The following DNAJB6 variants were observed in gnomAD, a reference collection of about 807,000 sequenced individuals.
DNAJB6 encodes dnaJ homolog subfamily B member 6.
DNAJB6 carries 16 observed loss-of-function variants against 42.7 expected under a neutral mutation model. That is an observed-to-expected ratio of 0.37 (90% CI 0.25 to 0.57). The LOEUF is 0.57. Among genes scored for constraint, DNAJB6 ranks in the 20% least tolerant of loss-of-function variants. The pLI, the probability that DNAJB6 is intolerant of heterozygous loss-of-function variation, is 0.74. For synonymous variants in DNAJB6, 170 were observed against 163.5 expected, an observed-to-expected ratio of 1.04 and a Z score of -0.30; for missense variants, 347 against 416.8, an observed-to-expected ratio of 0.83 and a Z score of 1.46.
At chr7:157,349,341 C>T (rs1305015670) in intron 1 of DNAJB6, among the ~76,000 whole-genome samples, 1 of 152,192 alleles carries the variant, frequency 6.6e-6, no homozygotes, top group East Asian at 1.9e-4. Context: ...GATTGGTTGA[C>T]TAATGGGGCC....
intron 8 of DNAJB6, among the ~76,000 whole-genome samples, chr7:157,389,098 G>C (rs925366077): frequency 5.9e-5 from 9 of 152,216 alleles, no homozygotes; most frequent in African/African-American, 2.2e-4. Flanking sequence ...GTGTGCTGAA[G>C]TAAATGTTCC....
chr7:157,386,371 C>G (rs1174698672), intron 8 of DNAJB6: 2 of 951,772 alleles, frequency 2.1e-6, no homozygotes, highest in African/African-American at 1.8e-5. Flanking sequence ...TCTAGTGTCA[C>G]TTTAATAGCG....
intron 1 of DNAJB6, among the ~76,000 whole-genome samples, chr7:157,345,316 T>A (rs1182911538): frequency 6.6e-6 from 1 of 152,024 alleles, no homozygotes; most frequent in African/African-American, 2.4e-5. Context: ...TTTTTATATA[T>A]TTTGTTTTTT....
chr7:157,352,360 C>T (rs1192961869), intron 1 of DNAJB6, among the ~76,000 whole-genome samples: 1 of 151,778 alleles, frequency 6.6e-6, no homozygotes, highest in Non-Finnish European at 1.5e-5. Context: ...ATATAATTTT[C>T]TTTTTTACTC....
At chr7:157,350,140 A>C (rs2116898745) in intron 1 of DNAJB6, among the ~76,000 whole-genome samples, 1 of 152,286 alleles carries the variant, frequency 6.6e-6, no homozygotes, top group Admixed American at 6.5e-5. Flanking sequence ...TCCTGATCAG[A>C]AAGAGAGCTG....
At position 157,416,146 on chromosome 7, in the gene DNAJB6, G is replaced by A. The variant is rs754405567; in HGVS notation, c.*48G>A. The A allele has an allele frequency of 1.5e-5, 24 of 1,593,588 alleles. 1 individual carries two copies. Among genetic ancestry groups the A allele is most frequent in the Middle Eastern group, 1.7e-4 (1 of 5,736 alleles). Reference sequence around the variant, plus strand: ...CACCCCCAGACGCTGGCGCTCCACCGTGCTCGGCATGCGGTCGTGCACACG... The same window carrying A: ...CACCCCCAGACGCTGGCGCTCCACCATGCTCGGCATGCGGTCGTGCACACG... On this transcript the variant is annotated 3_prime_UTR_variant, in exon 10 of 10. Coordinates refer to ENST00000262177, the MANE Select transcript of DNAJB6 (RefSeq NM_058246.4).
At chr7:157,390,443 C>CT (rs1255782131) in intron 8 of DNAJB6, among the ~76,000 whole-genome samples, 1 of 152,220 alleles carries the variant, frequency 6.6e-6, no homozygotes, top group East Asian at 1.9e-4. Context: ...ATTCCCCCGC[C>CT]TGGTCCTTCC....
intron 9 of DNAJB6, chr7:157,410,242 T>C (rs1291286631): frequency 1.1e-6 from 1 of 931,436 alleles, no homozygotes; most frequent in Non-Finnish European, 1.5e-6. Flanking sequence ...GTACGCAGCG[T>C]GTTGCTCCGC....
chr7:157,417,336 G>A lies in DNAJB6; in HGVS notation c.*1238G>A, dbSNP rs1419252747. ...GGCTTTGTTTATTTGGTTTTGGCGGGGAGAGGAGTGGTATTTGATGCTTTC... is the reference window on the plus strand; with the variant it reads ...GGCTTTGTTTATTTGGTTTTGGCGGAGAGAGGAGTGGTATTTGATGCTTTC... On this transcript the variant is annotated 3_prime_UTR_variant, in exon 10 of 10. Transcript: ENST00000262177. 3.9e-5 allele frequency: 6 copies of A among 152,200 alleles called. No homozygotes were observed. Among genetic ancestry groups the A allele is most frequent in the Admixed American group, 3.9e-4 (6 of 15,274 alleles). The allele number at this position is 152,200 out of a possible 1,614,324, so 9.4% of individuals were successfully genotyped here. A position where few individuals can be genotyped will look rare whatever the true frequency, so the allele number is the denominator to read the frequency against.
chr7:157,343,831 A>G (rs1020894010), intron 1 of DNAJB6, among the ~76,000 whole-genome samples: 1 of 152,132 alleles, frequency 6.6e-6, no homozygotes, highest in African/African-American at 2.4e-5. Context: ...ATTAATGGCG[A>G]TTAGGCTAAT....
chr7:157,371,780 G>A (rs1243232306), intron 5 of DNAJB6, among the ~76,000 whole-genome samples: 1 of 152,210 alleles, frequency 6.6e-6, no homozygotes, highest in Non-Finnish European at 1.5e-5. Context: ...GTGAAATGAT[G>A]TTCTGAGATA....
chr7:157,385,523 T>G lies in DNAJB6; in HGVS notation c.621-18T>G. 2 of 1,609,472 alleles carry G rather than the reference T, an allele frequency of 1.2e-6. No homozygotes were observed. Among genetic ancestry groups the G allele is most frequent in the Non-Finnish European group, 1.7e-6 (2 of 1,178,696 alleles). On this transcript the variant is annotated intron_variant, in intron 7 of 9. Coordinates refer to ENST00000262177, the MANE Select transcript of DNAJB6 (RefSeq NM_058246.4). ...TTTCTTTACCAGAAAGGTTTTTAAA[T>G]GAATTTTTTTCCTACAGAATTGTCG...
intron 1 of DNAJB6, among the ~76,000 whole-genome samples, chr7:157,346,303 C>G (rs979001809): frequency 1.6e-5 from 2 of 121,776 alleles, no homozygotes; most frequent in African/African-American, 6.2e-5. Context: ...TAGCCCTGCT[C>G]TGCAAGGAGT....
chr7:157,370,441 T>C (rs948384125), intron 5 of DNAJB6, among the ~76,000 whole-genome samples: 1 of 152,142 alleles, frequency 6.6e-6, no homozygotes, highest in African/African-American at 2.4e-5. Flanking sequence ...ACAGGTCCTT[T>C]CTTAACATTA....
intron 1 of DNAJB6, among the ~76,000 whole-genome samples, chr7:157,346,605 A>G (rs560591485): frequency 6.6e-5 from 10 of 152,312 alleles, no homozygotes; most frequent in African/African-American, 1.9e-4. Context: ...AAATACTTCT[A>G]TAGGGAAATA....
At chr7:157,403,467 T>C (rs1186480831) in intron 8 of DNAJB6, among the ~76,000 whole-genome samples, 1 of 152,116 alleles carries the variant, frequency 6.6e-6, no homozygotes, top group East Asian at 1.9e-4. Flanking sequence ...TGTGTGGCTT[T>C]TTTGTTTGTT....
intron 3 of DNAJB6, among the ~76,000 whole-genome samples, chr7:157,364,311 C>T (rs752437062): frequency 1.3e-5 from 2 of 152,052 alleles, no homozygotes; most frequent in Non-Finnish European, 2.9e-5. Context: ...GACACTGTGG[C>T]CCACCCCCTT....
At chr7:157,371,013 A>G (rs2117022376) in intron 5 of DNAJB6, 1 of 152,388 alleles carries the variant, frequency 6.6e-6, no homozygotes, top group South Asian at 2.1e-4. Context: ...GCAGGCAGGC[A>G]AGCATTACTG....
At chr7:157,338,039 G>A (rs369714216) in intron 1 of DNAJB6, among the ~76,000 whole-genome samples, 42 of 152,330 alleles carry the variant, frequency 2.8e-4, no homozygotes, top group African/African-American at 9.9e-4. Flanking sequence ...AGTAGGCTGA[G>A]CGGCGCTCTT....
Sources: allele counts gnomAD v4.1 joint callset (sites outside exome capture counted in the v4.1 genomes callset), GRCh38; gene constraint gnomAD v4.1.1; transcripts MANE v1.5; gene names NCBI Gene and HGNC (gene_info 2026-07-23, HGNC 2026-07-21).